Variants in CEP85L observed in about 807,000 individuals in gnomAD.
CEP85L encodes the protein centrosomal protein 85L, also known as centrosomal protein of 85 kDa-like.
Under a neutral mutation model 100.3 loss-of-function variants are expected in CEP85L, and 60 were observed. The ratio of observed to expected loss-of-function variants is 0.60; its 90% CI spans 0.49 to 0.74. The LOEUF is 0.74. CEP85L is among the 30% of genes least tolerant of loss of function. The pLI is 0.00. For synonymous variants in CEP85L, 319 were observed against 322.7 expected (o/e 0.99, Z 0.12); for missense variants, 973 against 936.2 (o/e 1.04, Z -0.51).
intron 5 of CEP85L, among the ~76,000 whole-genome samples, chr6:118,508,840 T>C (rs536138842): frequency 1.3e-5 from 2 of 152,188 alleles, no homozygotes; most frequent in Admixed American, 6.5e-5. Context: ...TACAAAATGC[T>C]ATGCATAAAA....
chr6:118,547,720 A>C (rs988869925), intron 3 of CEP85L, among the ~76,000 whole-genome samples: 3 of 152,160 alleles, frequency 2.0e-5, no homozygotes, highest in Admixed American at 1.3e-4. Context: ...TTAGTTCTTT[A>C]ACTGTAAGAT....
At chr6:118,653,749 A>G (rs371946627), upstream of CEP85L, among the ~76,000 whole-genome samples, 157 of 148,272 alleles carry the variant, frequency 1.1e-3, no homozygotes, top group African/African-American at 2.9e-3. Flanking sequence ...GACTCTGTGT[A>G]TGTGTGTGTG....
At chr6:118,585,149 C>G (rs181642140) in intron 2 of CEP85L, among the ~76,000 whole-genome samples, 2 of 152,332 alleles carry the variant, frequency 1.3e-5, no homozygotes, top group East Asian at 3.9e-4. Context: ...CCTCCAGGCA[C>G]AAGCGCTCAA....
At chr6:118,470,988 GTA>G (rs1179314653) in intron 10 of CEP85L, among the ~76,000 whole-genome samples, 1 of 152,042 alleles carries the variant, frequency 6.6e-6, no homozygotes, top group Non-Finnish European at 1.5e-5. Flanking sequence ...CTTTTTATAT[GTA>G]GAGAGTGTAT....
chr6:118,572,736 G>A (rs1779979397), intron 2 of CEP85L, among the ~76,000 whole-genome samples: 1 of 152,010 alleles, frequency 6.6e-6, no homozygotes, highest in Admixed American at 6.6e-5. Flanking sequence ...ATTATGCTAG[G>A]TAGAAAAGAC....
At chr6:118,473,152 G>A (rs1233497987) in intron 10 of CEP85L, among the ~76,000 whole-genome samples, 1 of 152,090 alleles carries the variant, frequency 6.6e-6, no homozygotes, top group Non-Finnish European at 1.5e-5. Context: ...GCCAAACACT[G>A]TTCTGTTCAT....
chr6:118,537,410 C>T (rs1050981647), intron 3 of CEP85L: 1 of 557,954 alleles, frequency 1.8e-6, no homozygotes, highest in African/African-American at 2.0e-5. Flanking sequence ...ACTGGGAAGG[C>T]CTCATTTAGA....
intron 2 of CEP85L, chr6:118,589,154 G>A (rs958505111): frequency 3.7e-6 from 1 of 271,358 alleles, no homozygotes; most frequent in Admixed American, 3.8e-5. Context: ...CAATGATATT[G>A]CCAGATACTT....
intron 2 of CEP85L, among the ~76,000 whole-genome samples, chr6:118,581,730 T>C (rs549260024): frequency 3.3e-5 from 5 of 152,218 alleles, no homozygotes; most frequent in African/African-American, 1.2e-4. Context: ...TCTTTCTAGA[T>C]GGCCAACAGA....
At chr6:118,573,974 T>C (rs904799735) in intron 2 of CEP85L, 6 of 152,244 alleles carry the variant, frequency 3.9e-5, no homozygotes, top group Non-Finnish European at 7.3e-5. Context: ...CTAAGAAATT[T>C]ATTCTTATAT....
intron 6 of CEP85L, among the ~76,000 whole-genome samples, chr6:118,486,105 A>G (rs901854500): frequency 1.3e-5 from 2 of 152,126 alleles, no homozygotes; most frequent in Non-Finnish European, 2.9e-5. Flanking sequence ...TGTTGGTCAC[A>G]TGTTGATCAT....
intron 1 of CEP85L, among the ~76,000 whole-genome samples, chr6:118,684,501 C>T (rs1472072208): frequency 6.6e-6 from 1 of 152,008 alleles, no homozygotes; most frequent in East Asian, 1.9e-4. Flanking sequence ...CAGAGCCCGA[C>T]CTGTTTCTAA....
At chr6:118,708,984 C>T (rs992870127) in intron 1 of CEP85L, among the ~76,000 whole-genome samples, 4 of 152,030 alleles carry the variant, frequency 2.6e-5, no homozygotes, top group Non-Finnish European at 5.9e-5. Context: ...GAATGACTAA[C>T]ACTAAAAGCA....
intron 1 of CEP85L, among the ~76,000 whole-genome samples, chr6:118,696,008 C>T (rs1369368482): frequency 1.3e-5 from 2 of 152,236 alleles, no homozygotes; most frequent in East Asian, 1.9e-4. Flanking sequence ...TGGTGGTTCA[C>T]GCCTGTAATC....
intron 3 of CEP85L, chr6:118,560,093 TA>T (rs1343404684): frequency 6.0e-6 from 1 of 167,028 alleles, no homozygotes; most frequent in African/African-American, 2.4e-5. Context: ...TTTTTAAAAA[TA>T]TATGAATTCT....
intron 1 of CEP85L, among the ~76,000 whole-genome samples, chr6:118,708,323 T>C (rs1055841556): frequency 6.6e-5 from 10 of 152,224 alleles, no homozygotes; most frequent in Non-Finnish European, 1.2e-4. Flanking sequence ...AAGACTTCAC[T>C]GAAAAGCAAA....
chr6:118,562,602 C>T (rs962299934), intron 3 of CEP85L, among the ~76,000 whole-genome samples: 1 of 152,118 alleles, frequency 6.6e-6, no homozygotes, highest in African/African-American at 2.4e-5. Context: ...TCAAGCTATC[C>T]ACCCCCCATC....
At chr6:118,558,625 A>G (rs1779020683) in intron 3 of CEP85L, among the ~76,000 whole-genome samples, 1 of 82,750 alleles carries the variant, frequency 1.2e-5, no homozygotes, top group African/African-American at 5.0e-5. Context: ...ACACGTGCAC[A>G]TACACACACA....
At chr6:118,672,655 A>G (rs1258944088) in intron 1 of CEP85L, among the ~76,000 whole-genome samples, 2 of 152,086 alleles carry the variant, frequency 1.3e-5, no homozygotes, top group African/African-American at 4.8e-5. Flanking sequence ...AATCTCAGCT[A>G]CTCAGGAAGC....
Sources: gnomAD v4.1 joint callset for allele counts (sites outside exome capture counted in the v4.1 genomes callset) on GRCh38, gnomAD v4.1.1 for gene constraint, MANE v1.5 for transcripts, NCBI Gene and HGNC (gene_info 2026-07-23, HGNC 2026-07-21) for gene names.